Variants in SPATA13 observed in about 807,000 individuals in gnomAD.
The protein encoded by SPATA13 is spermatogenesis associated 13.
Under a neutral mutation model 104.0 loss-of-function variants are expected in SPATA13, and 50 were observed. The observed-to-expected ratio is 0.48, with a 90% CI of 0.38 to 0.61. SPATA13 has a LOEUF of 0.61. SPATA13 is among the 20% of genes least tolerant of loss of function. The pLI is 0.00. For synonymous variants in SPATA13, 606 were observed against 667.5 expected, an observed-to-expected ratio of 0.91 and a Z score of 1.42; for missense variants, 1,524 against 1,690.6, an observed-to-expected ratio of 0.90 and a Z score of 1.73.
chr13:24,199,593 G>C (rs1870285445), intron 1 of SPATA13, among the ~76,000 whole-genome samples: 1 of 152,168 alleles, frequency 6.6e-6, no homozygotes, highest in South Asian at 2.1e-4. Context: ...TTTAAGATGT[G>C]TTCCTTAGAA....
At chr13:24,059,498 T>A (rs1363617945) in intron 3 of SPATA13, among the ~76,000 whole-genome samples, 1 of 152,238 alleles carries the variant, frequency 6.6e-6, no homozygotes, top group Non-Finnish European at 1.5e-5. Flanking sequence ...GCCAAGTCAC[T>A]TACACTAACG....
intron 3 of SPATA13, among the ~76,000 whole-genome samples, chr13:24,065,282 G>A (rs7333383): frequency 0.76 from 115,881 of 151,792 alleles, 44,687 homozygotes; most frequent in Non-Finnish European, 0.82. Flanking sequence ...TCCCCCATGT[G>A]CTGAGCTTCA....
intron 1 of SPATA13, among the ~76,000 whole-genome samples, chr13:24,184,673 A>G (rs984797670): frequency 4.1e-4 from 62 of 152,288 alleles, no homozygotes; most frequent in African/African-American, 1.4e-3. Context: ...TGTGCAGGAC[A>G]AAGTTCAACG....
rs1175541439 is a variant in SPATA13, at chr13:24,202,525, T to C, written c.-111-20294T>C. Among the ~76,000 whole-genome samples the C allele has an allele frequency of 7.5e-3, 1,100 of 146,636 alleles. 14 individuals are homozygous for C. Among genetic ancestry groups the C allele is most frequent in the African/African-American group, 0.026 (1,041 of 39,922 alleles). On this transcript the variant is annotated intron_variant, in intron 1 of 12. Coordinates refer to ENST00000382108, the MANE Select transcript of SPATA13 (RefSeq NM_001166271.3). The stretch of plus-strand genomic sequence containing the variant: ...TGTTTGCTTTCTTTCTTTCCCTTTT[T>C]TTTTTTTTTTTTTTTTTTAGCTTCA...
At chr13:24,064,103 C>T (rs1023504994) in intron 3 of SPATA13, among the ~76,000 whole-genome samples, 5 of 152,348 alleles carry the variant, frequency 3.3e-5, no homozygotes, top group African/African-American at 1.2e-4. Flanking sequence ...TTTCTCTTGT[C>T]AGTGTTCACT....
intron 2 of SPATA13, among the ~76,000 whole-genome samples, chr13:23,986,596 C>T (rs777972610): frequency 6.6e-6 from 1 of 152,308 alleles, no homozygotes; most frequent in Non-Finnish European, 1.5e-5. Context: ...ATGGTATCTC[C>T]ATTTTTACAC....
intron 3 of SPATA13, among the ~76,000 whole-genome samples, chr13:24,029,732 C>T (rs995506899): frequency 2.0e-5 from 3 of 152,052 alleles, no homozygotes; most frequent in Non-Finnish European, 2.9e-5. Flanking sequence ...GGTATTAAAG[C>T]CTGGTACCCA....
chr13:24,291,013 G>A, intron 9 of SPATA13, 129 bp downstream of exon 9: 1 of 703,264 alleles, frequency 1.4e-6, no homozygotes, highest in Non-Finnish European at 2.4e-6. Context: ...CATGGGAGAA[G>A]TTTTCAGGTT....
intron 4 of SPATA13, among the ~76,000 whole-genome samples, chr13:24,258,241 A>T (rs1325977078): frequency 6.6e-6 from 1 of 151,784 alleles, no homozygotes; most frequent in Non-Finnish European, 1.5e-5. Flanking sequence ...ATCTCAAAAA[A>T]AAAAAAATAA....
chr13:24,173,879 A>G (rs922471098), intron 1 of SPATA13, among the ~76,000 whole-genome samples: 1 of 152,144 alleles, frequency 6.6e-6, no homozygotes, highest in Non-Finnish European at 1.5e-5. Flanking sequence ...CTGTTTTGTT[A>G]AGCATTTTTG....
intron 3 of SPATA13, among the ~76,000 whole-genome samples, chr13:24,150,984 C>T (rs962206118): frequency 1.3e-5 from 2 of 152,168 alleles, no homozygotes; most frequent in Non-Finnish European, 2.9e-5. Context: ...CATTACAAAA[C>T]CCCCACTAAA....
intron 7 of SPATA13, among the ~76,000 whole-genome samples, 164 bp downstream of exon 7, chr13:24,287,114 T>C (rs1384524990): frequency 1.4e-5 from 2 of 146,778 alleles, no homozygotes; most frequent in Non-Finnish European, 3.0e-5. Context: ...GTGCTGCGGC[T>C]GTCCTAGCTG....
At chr13:24,245,139 C>T (rs1371648765) in intron 2 of SPATA13, among the ~76,000 whole-genome samples, 1 of 152,170 alleles carries the variant, frequency 6.6e-6, no homozygotes, top group Non-Finnish European at 1.5e-5. Flanking sequence ...CGGCAGCCCA[C>T]GCCGGAGTCT....
At chr13:24,139,310 C>T (rs749427115) in intron 3 of SPATA13, among the ~76,000 whole-genome samples, 12 of 152,176 alleles carry the variant, frequency 7.9e-5, no homozygotes, top group Admixed American at 1.3e-4. Flanking sequence ...TGCAGGGACC[C>T]ATTTCCAAAT....
chr13:24,124,870 T>A (rs1262907431), intron 3 of SPATA13, among the ~76,000 whole-genome samples: 1 of 152,148 alleles, frequency 6.6e-6, no homozygotes, highest in Non-Finnish European at 1.5e-5. Flanking sequence ...ATTGTCAGAT[T>A]TTTTGTCTTA....
Position 23,987,340 on chromosome 13 carries a change from AT to A in SPATA13, c.-147+3411del, listed in dbSNP as rs1386254305. Among the ~76,000 whole-genome samples the A allele has an allele frequency of 8.5e-5, 13 of 152,206 alleles. 1 individual carries two copies. The highest frequency in any genetic ancestry group is 2.2e-4 in the African/African-American group (9 of 41,476). On this transcript the variant is annotated intron_variant, in intron 2 of 14. Coordinates refer to the SPATA13 transcript ENST00000424834. ...GCCACACTGCTTGTAAAATACTTAC[AT>A]TTTCAGTGGATAAAAGATAGCTTGA...
chr13:24,245,352 C>T (rs1021462070), intron 2 of SPATA13, among the ~76,000 whole-genome samples: 19 of 151,404 alleles, frequency 1.3e-4, no homozygotes, highest in East Asian at 3.9e-4. Context: ...GGAATTTAAC[C>T]GTCTTTTGGC....
intron 3 of SPATA13, among the ~76,000 whole-genome samples, chr13:24,116,943 C>A (rs1025321517): frequency 6.6e-6 from 1 of 152,200 alleles, no homozygotes; most frequent in Non-Finnish European, 1.5e-5. Flanking sequence ...GAGAAGGCAG[C>A]TGTCTGCAAG....
At chr13:24,115,016 G>A (rs1008137281) in intron 3 of SPATA13, among the ~76,000 whole-genome samples, 3 of 152,134 alleles carry the variant, frequency 2.0e-5, no homozygotes, top group African/African-American at 7.2e-5. Context: ...TCTGACAGGA[G>A]GAATTTCCAG....
Sources: allele counts gnomAD v4.1 joint callset (sites outside exome capture counted in the v4.1 genomes callset), GRCh38; gene constraint gnomAD v4.1.1; transcripts MANE v1.5; gene names NCBI Gene and HGNC (gene_info 2026-07-23, HGNC 2026-07-21).